The following FARS2 variants were observed in gnomAD, a reference collection of about 807,000 sequenced individuals.
The protein encoded by FARS2 is phenylalanine--tRNA ligase, mitochondrial.
FARS2 carries 40 observed loss-of-function variants against 46.4 expected under a neutral mutation model. The ratio of observed to expected loss-of-function variants is 0.86; its 90% CI spans 0.67 to 1.12. The LOEUF is 1.12. Among genes scored for constraint, FARS2 ranks in the 50% most tolerant of loss-of-function variants. The pLI, the probability that FARS2 is intolerant of heterozygous loss-of-function variation, is 0.00. For synonymous variants in FARS2, 234 were observed against 214.9 expected, an observed-to-expected ratio of 1.09 and a Z score of -0.78; for missense variants, 513 against 567.9, an observed-to-expected ratio of 0.90 and a Z score of 0.98.
intron 6 of FARS2, among the ~76,000 whole-genome samples, chr6:5,738,987 G>A (rs1168201181): frequency 1.3e-5 from 2 of 152,118 alleles, no homozygotes; most frequent in Non-Finnish European, 1.5e-5. Flanking sequence ...TCACGAAAAG[G>A]ATCTCCCTTG....
chr6:5,740,907 TCTC>T (rs2150951442), intron 6 of FARS2, among the ~76,000 whole-genome samples: 1 of 152,290 alleles, frequency 6.6e-6, no homozygotes, highest in South Asian at 2.1e-4. Flanking sequence ...CATGGCCTGT[TCTC>T]CTTACCAGGA....
chr6:5,298,435 T>TG (rs1374057147), intron 1 of FARS2, among the ~76,000 whole-genome samples: 1 of 152,228 alleles, frequency 6.6e-6, no homozygotes, highest in Non-Finnish European at 1.5e-5. Flanking sequence ...GACAAACACT[T>TG]GCTTTAGACA....
upstream of FARS2, chr6:5,260,692 C>A (rs1210002520): frequency 1.3e-6 from 2 of 1,555,158 alleles, no homozygotes; most frequent in East Asian, 2.4e-5. Context: ...TCAGCATCGC[C>A]CGGTACAGAG....
intron 5 of FARS2, among the ~76,000 whole-genome samples, chr6:5,592,824 G>A (rs1036767494): frequency 4.6e-5 from 7 of 152,234 alleles, no homozygotes; most frequent in East Asian, 3.9e-4. Context: ...TGCCTGCCAC[G>A]AGGCCCAGAG....
chr6:5,417,923 T>C (rs1211276976), intron 3 of FARS2, among the ~76,000 whole-genome samples: 2 of 152,200 alleles, frequency 1.3e-5, no homozygotes, highest in East Asian at 3.9e-4. Context: ...TGATTTTTTT[T>C]TCCTTCTATA....
intron 6 of FARS2, among the ~76,000 whole-genome samples, chr6:5,751,264 G>A (rs558653118): frequency 4.0e-4 from 61 of 152,274 alleles, no homozygotes; most frequent in African/African-American, 1.2e-3. Context: ...CTAAGTCTGG[G>A]CTTTCCATCT....
At chr6:5,536,831 G>C (rs1770234956) in intron 4 of FARS2, among the ~76,000 whole-genome samples, 1 of 152,154 alleles carries the variant, frequency 6.6e-6, no homozygotes, top group Non-Finnish European at 1.5e-5. Flanking sequence ...CTTTGAATAG[G>C]CACAAGAAGT....
intron 4 of FARS2, 99 bp from the exon 5 acceptor site, chr6:5,545,081 A>G: frequency 8.7e-7 from 1 of 1,144,402 alleles, no homozygotes; most frequent in South Asian, 1.5e-5. Context: ...GCCCGCTGGT[A>G]GGCATCTAAT....
At chr6:5,309,916 A>C (rs1304259021) in intron 1 of FARS2, among the ~76,000 whole-genome samples, 1 of 152,198 alleles carries the variant, frequency 6.6e-6, no homozygotes, top group Non-Finnish European at 1.5e-5. Flanking sequence ...AAGATAAGTA[A>C]TGAGGGGCAA....
intron 4 of FARS2, among the ~76,000 whole-genome samples, chr6:5,505,475 C>T (rs1486675251): frequency 1.3e-5 from 2 of 152,136 alleles, no homozygotes; most frequent in East Asian, 3.8e-4. Flanking sequence ...TCCACATGGT[C>T]CTGAAGCGAC....
At chr6:5,399,656 C>T (rs1209174056) in intron 2 of FARS2, among the ~76,000 whole-genome samples, 1 of 152,072 alleles carries the variant, frequency 6.6e-6, no homozygotes, top group Admixed American at 6.6e-5. Flanking sequence ...CTAGCCTATC[C>T]TTCCTTTTTT....
intron 6 of FARS2, among the ~76,000 whole-genome samples, chr6:5,755,637 G>C (rs1582886575): frequency 6.6e-6 from 1 of 151,836 alleles, no homozygotes; most frequent in African/African-American, 2.4e-5. Flanking sequence ...GAAATCCTTG[G>C]GACACTGATC....
chr6:5,450,508 A>G (rs1261661894), intron 4 of FARS2, among the ~76,000 whole-genome samples: 1 of 151,352 alleles, frequency 6.6e-6, no homozygotes, highest in Non-Finnish European at 1.5e-5. Context: ...CCATCGGTGA[A>G]GTGTGGCCGG....
intron 6 of FARS2, among the ~76,000 whole-genome samples, chr6:5,686,387 G>C (rs966647916): frequency 6.6e-6 from 1 of 151,062 alleles, no homozygotes; most frequent in African/African-American, 2.5e-5. Context: ...AGTGTGTGAT[G>C]TTCCCCTTCC....
At chr6:5,647,530 A>C (rs878877136) in intron 6 of FARS2, among the ~76,000 whole-genome samples, 2 of 152,266 alleles carry the variant, frequency 1.3e-5, no homozygotes, top group Non-Finnish European at 2.9e-5. Context: ...GTTATCTAAA[A>C]AGTTTTGACA....
At chr6:5,442,414 T>TATATAC (rs144331509) in intron 4 of FARS2, among the ~76,000 whole-genome samples, 57 of 150,314 alleles carry the variant, frequency 3.8e-4, no homozygotes, top group African/African-American at 1.2e-3. Flanking sequence ...TATATATATA[T>TATATAC]ACACACACAC....
intron 6 of FARS2, among the ~76,000 whole-genome samples, chr6:5,687,064 ATTTG>A (rs1465203962): frequency 6.6e-6 from 1 of 152,076 alleles, no homozygotes; most frequent in African/African-American, 2.4e-5. Context: ...TTTCTTGTAA[ATTTG>A]TTTGAGTTCA....
chr6:5,717,115 G>C (rs2150912075), intron 6 of FARS2, among the ~76,000 whole-genome samples: 1 of 152,296 alleles, frequency 6.6e-6, no homozygotes. Flanking sequence ...TTCAGAAATG[G>C]GGAACTTATA....
rs560761918 is a variant in FARS2, at chr6:5,693,708, C to T, written c.1218-77583C>T. On this transcript the variant is annotated intron_variant, in intron 6 of 6. Coordinates refer to ENST00000274680, the MANE Select transcript of FARS2 (RefSeq NM_006567.5). ...AAGACTCGAAGACTGGGAGTGACTG[C>T]TTGGCTAGGCTGGGATGAGGCATCT... 2.7e-4 allele frequency among the ~76,000 whole-genome samples: 41 copies of T among 152,184 alleles called. 1 individual carries two copies. Among genetic ancestry groups the T allele is most frequent in the African/African-American group, 1.4e-4 (6 of 41,442 alleles).
Sources: gnomAD v4.1 joint callset for allele counts (sites outside exome capture counted in the v4.1 genomes callset) on GRCh38, gnomAD v4.1.1 for gene constraint, MANE v1.5 for transcripts, NCBI Gene and HGNC (gene_info 2026-07-23, HGNC 2026-07-21) for gene names.